Variants in FOXP2 observed in about 807,000 individuals in gnomAD.
FOXP2 encodes forkhead box protein P2.
A neutral mutation model predicts 115.8 loss-of-function variants in FOXP2; 12 were observed. The ratio of observed to expected loss-of-function variants is 0.10; its 90% CI spans 0.07 to 0.17. The LOEUF (loss-of-function observed/expected upper bound fraction) is 0.17. FOXP2 is among the 10% of genes least tolerant of loss of function. FOXP2 has a pLI of 1.00. For synonymous variants in FOXP2, 328 were observed against 297.7 expected, an observed-to-expected ratio of 1.10 and a Z score of -1.05; for missense variants, 629 against 843.5, an observed-to-expected ratio of 0.75 and a Z score of 3.15.
chr7:114,385,444 G>T (rs979211192), intron 2 of FOXP2, among the ~76,000 whole-genome samples: 1 of 152,150 alleles, frequency 6.6e-6, no homozygotes, highest in African/African-American at 2.4e-5. Flanking sequence ...GAGAATTCTG[G>T]CTGTGCCATG....
At chr7:114,624,080 C>T (rs1804398696) in intron 3 of FOXP2, among the ~76,000 whole-genome samples, 1 of 151,740 alleles carries the variant, frequency 6.6e-6, no homozygotes, top group Admixed American at 6.6e-5. Context: ...GAATTTTTAC[C>T]AAAGCTGGCA....
At chr7:114,499,728 C>T (rs1297751000) in intron 2 of FOXP2, 3 of 152,146 alleles carry the variant, frequency 2.0e-5, no homozygotes, top group Non-Finnish European at 4.4e-5. Flanking sequence ...ACACATTTAA[C>T]TTACCTTCTT....
intron 2 of FOXP2, among the ~76,000 whole-genome samples, chr7:114,448,339 C>T (rs1346952886): frequency 6.6e-6 from 1 of 151,958 alleles, no homozygotes; most frequent in Non-Finnish European, 1.5e-5. Flanking sequence ...CTTTATATCT[C>T]CTTTGATTCA....
intron 2 of FOXP2, among the ~76,000 whole-genome samples, chr7:114,406,890 C>T (rs1793049811): frequency 6.6e-6 from 1 of 151,904 alleles, no homozygotes; most frequent in African/African-American, 2.4e-5. Flanking sequence ...TTTAGACTAA[C>T]ATTGCCATTA....
At chr7:114,553,449 A>G (rs1481757947) in intron 3 of FOXP2, among the ~76,000 whole-genome samples, 3 of 152,208 alleles carry the variant, frequency 2.0e-5, no homozygotes, top group Non-Finnish European at 4.4e-5. Flanking sequence ...AGACTTCAAC[A>G]TCACTTAAAC....
intron 1 of FOXP2, among the ~76,000 whole-genome samples, chr7:114,091,868 T>C (rs570209596): frequency 1.3e-5 from 2 of 152,144 alleles, no homozygotes; most frequent in South Asian, 4.1e-4. Flanking sequence ...TTTTTGATTA[T>C]TGAAATACAC....
At chr7:114,451,129 A>G (rs1795055919) in intron 2 of FOXP2, among the ~76,000 whole-genome samples, 1 of 152,098 alleles carries the variant, frequency 6.6e-6, no homozygotes, top group Admixed American at 6.6e-5. Flanking sequence ...GAAAACATTA[A>G]TAATCAAAAA....
rs766115081 is a variant in FOXP2 at position 114,659,552 on chromosome 7, T to C, written c.1546-20T>C. The C allele has an allele frequency of 1.2e-6, 2 of 1,604,642 alleles. No homozygotes were observed. Among genetic ancestry groups the C allele is most frequent in the Non-Finnish European group, 8.5e-7 (1 of 1,171,568 alleles). On this transcript the variant is annotated intron_variant, in intron 12 of 16. Transcript: ENST00000350908. ...AGTAAACCATTATTTTATGTCACTA[T>C]GTATCTTGTCTCATTTCAGGCTATC...
chr7:114,200,803 A>G (rs746520087), intron 1 of FOXP2, among the ~76,000 whole-genome samples: 4 of 152,150 alleles, frequency 2.6e-5, no homozygotes, highest in Middle Eastern at 3.2e-3. Context: ...TACGACGTCT[A>G]TCACTCAAAA....
chr7:114,105,617 T>C (rs1164828452), intron 1 of FOXP2, among the ~76,000 whole-genome samples: 1 of 152,104 alleles, frequency 6.6e-6, no homozygotes, highest in Admixed American at 6.6e-5. Context: ...TCACCTGGCT[T>C]CTGAACATTC....
chr7:114,426,454 G>T (rs756570316), intron 1 of FOXP2, 48 bp from the exon 2 acceptor site: 1 of 1,549,656 alleles, frequency 6.5e-7, no homozygotes, highest in East Asian at 2.3e-5. Flanking sequence ...GATAATGGAA[G>T]TGTGAAGGTG....
intron 3 of FOXP2, among the ~76,000 whole-genome samples, chr7:114,563,255 A>G (rs1800842172): frequency 6.6e-6 from 1 of 152,238 alleles, no homozygotes; most frequent in Non-Finnish European, 1.5e-5. Flanking sequence ...TTTCTGAAAT[A>G]GTTCTATTGA....
At position 114,663,572 on chromosome 7, in the gene FOXP2, T is replaced by G. The variant is rs975818274; in HGVS notation, c.1839+53T>G. On this transcript the variant is annotated intron_variant, in intron 15 of 16. Transcript: ENST00000350908. ...TTTGAATGTTTAGGGCTTTTTTTTT[T>G]TTTTTGGCATGTCTTTGTATTTAGG... 6 of 1,386,474 alleles carry G rather than the reference T, an allele frequency of 4.3e-6. No homozygotes were observed. In the African/African-American group the frequency reaches 5.8e-5, roughly 13 times the overall value. The allele number at this position is 1,386,474 out of a possible 1,614,324, so 85.9% of individuals were successfully genotyped here. A position where few individuals can be genotyped will look rare whatever the true frequency, so the allele number is the denominator to read the frequency against.
intron 2 of FOXP2, among the ~76,000 whole-genome samples, chr7:114,510,572 A>C (rs780643916): frequency 2.6e-4 from 40 of 152,226 alleles, no homozygotes; most frequent in Non-Finnish European, 5.1e-4. Flanking sequence ...TTTACCATAG[A>C]CAAATGTGGT....
intron 2 of FOXP2, chr7:114,499,252 T>C (rs1463339489): frequency 4.2e-6 from 1 of 239,008 alleles, no homozygotes; most frequent in African/African-American, 2.2e-5. Context: ...GATACACACT[T>C]CATTAAATCC....
At chr7:114,556,468 G>A (rs1291175200) in intron 3 of FOXP2, among the ~76,000 whole-genome samples, 2 of 152,166 alleles carry the variant, frequency 1.3e-5, no homozygotes, top group Non-Finnish European at 2.9e-5. Context: ...AATCTGAATT[G>A]CTCCCCCCTA....
chr7:114,687,924 A>G (rs996770099), intron 16 of FOXP2, among the ~76,000 whole-genome samples: 3 of 152,116 alleles, frequency 2.0e-5, no homozygotes, highest in Non-Finnish European at 4.4e-5. Flanking sequence ...GAGAATTCTC[A>G]AGAATTTTCT....
intron 1 of FOXP2, among the ~76,000 whole-genome samples, chr7:114,179,705 A>G (rs1310452208): frequency 2.0e-5 from 3 of 151,996 alleles, no homozygotes; most frequent in Non-Finnish European, 4.4e-5. Flanking sequence ...TTAAGGCTAT[A>G]CTTGAAGGAA....
intron 1 of FOXP2, among the ~76,000 whole-genome samples, chr7:114,136,505 A>G (rs1258582545): frequency 6.6e-6 from 1 of 152,056 alleles, no homozygotes; most frequent in Non-Finnish European, 1.5e-5. Context: ...GTGAAAGATT[A>G]TAGTTTGTAA....
Sources: allele counts gnomAD v4.1 joint callset (sites outside exome capture counted in the v4.1 genomes callset), GRCh38; gene constraint gnomAD v4.1.1; transcripts MANE v1.5; gene names NCBI Gene and HGNC (gene_info 2026-07-23, HGNC 2026-07-21).